Variants in TENM3 observed in about 807,000 individuals in gnomAD.
TENM3 encodes the protein teneurin-3.
In TENM3, 63 loss-of-function variants were observed where a neutral mutation model predicts 255.1. That is an observed-to-expected ratio of 0.25 (90% CI 0.20 to 0.30). The LOEUF is 0.30. TENM3 is among the 10% of genes least tolerant of loss of function. The probability of loss-of-function intolerance (pLI) is 1.00; values close to 1 mark genes in which losing one functional copy is unlikely to be tolerated. For synonymous variants in TENM3, 1,306 were observed against 1,322.3 expected (o/e 0.99, Z 0.27); for missense variants, 2,929 against 3,461.1 (o/e 0.85, Z 3.86).
chr4:181,761,101 C>T, the TENM3 span, among the ~76,000 whole-genome samples: 22 of 151,564 alleles, frequency 1.5e-4, no homozygotes, highest in African/African-American at 4.6e-4. Context: ...TTACTCTAAA[C>T]GTCTCTATAT....
the TENM3 span, among the ~76,000 whole-genome samples, chr4:181,545,141 A>G: frequency 6.6e-6 from 1 of 152,226 alleles, no homozygotes; most frequent in African/African-American, 2.4e-5. Context: ...ATAATTTATG[A>G]GAGCTTTTGG....
rs185445849 is a variant in TENM3 at position 182,540,204 on chromosome 4, C to G, written c.512-60720C>G. 3.2e-3 allele frequency among the ~76,000 whole-genome samples: 485 copies of G among 152,264 alleles called. 1 individual carries two copies. Among genetic ancestry groups the G allele is most frequent in the African/African-American group, 0.011 (465 of 41,536 alleles). ...ATTTCCTCCATAAGTTATTATGAAG[C>G]CATGGTGGAGGGAGGAAGAGGGACT... On this transcript the variant is annotated intron_variant, in intron 3 of 27. Transcript: ENST00000511685.
In TENM3 at chr4:182,681,937, C is replaced by G. The variant is rs1425075253; in HGVS notation, c.1958C>G (p.Ser653Cys). The G allele has an allele frequency of 1.2e-6, 2 of 1,613,966 alleles. No individual in the cohort carries two copies. The highest frequency in any genetic ancestry group is 3.3e-5 in the Admixed American group (2 of 60,016). ...AAGACCATGTGTCCAGACCAGTGCTCCGGCCACGGAACGTATCTTCAAGAA... is the reference window on the plus strand; with the variant it reads ...AAGACCATGTGTCCAGACCAGTGCTGCGGCCACGGAACGTATCTTCAAGAA... ...ILKTMCPDQCSGHGTYLQESG... is the reference protein window; with the variant it reads ...ILKTMCPDQCCGHGTYLQESG... The change falls in exon 11 of 28, where the codon TCC (serine) becomes TGC (cysteine). Residue 653 changes from serine to cysteine, a missense_variant. This residue lies in a region of TENM3 where 1,608 missense variants were observed against 1,884.4 expected (regional missense o/e 0.85). Transcript: ENST00000511685.
rs773167086 is a variant in TENM3, at chr4:182,346,697, T to C, written c.279T>C (p.Thr93=). ...LRQLGVCEPA[T]RRGLAFCAEM... ...AGTTAGGAGTTTGTGAACCAGCAACTCGAAGAGGACTGGCATTTTGTGCGG... is the reference window on the plus strand; with the variant it reads ...AGTTAGGAGTTTGTGAACCAGCAACCCGAAGAGGACTGGCATTTTGTGCGG... Residue 93 remains threonine, a synonymous_variant, in exon 3 of 28, where the codon ACT becomes ACC. Transcript: ENST00000511685. The C allele has an allele frequency of 6.2e-6, 10 of 1,613,816 alleles. No individual in the cohort carries two copies. Among genetic ancestry groups the C allele is most frequent in the South Asian group, 4.4e-5 (4 of 91,044 alleles).
At chr4:181,776,289 G>A in the TENM3 span, among the ~76,000 whole-genome samples, 1 of 152,000 alleles carries the variant, frequency 6.6e-6, no homozygotes, top group African/African-American at 2.4e-5. Flanking sequence ...ATTTTACTAT[G>A]TATATACACA....
chr4:182,216,511 T>C (rs905348569), intron 1 of TENM3, among the ~76,000 whole-genome samples: 1 of 152,176 alleles, frequency 6.6e-6, no homozygotes, highest in Non-Finnish European at 1.5e-5. Context: ...TCTGGTGCAA[T>C]ATCATTTACC....
In TENM3 at chr4:182,228,380, G is replaced by GTATATATATATGTGTATATATATA. The variant is rs1756333070; in HGVS notation, c.-76+83627_-76+83628insATATATATATGTGTATATATATAT. Among the ~76,000 whole-genome samples the GTATATATATATGTGTATATATATA allele has an allele frequency of 1.5e-4, 14 of 94,016 alleles. 1 individual carries two copies. Among genetic ancestry groups the GTATATATATATGTGTATATATATA allele is most frequent in the African/African-American group, 5.9e-4 (13 of 22,172 alleles). 61.7% of individuals were successfully genotyped at this position (94,016 alleles called of 152,430 possible). A position where few individuals can be genotyped will look rare whatever the true frequency, so the allele number is the denominator to read the frequency against. On this transcript the variant is annotated intron_variant, in intron 1 of 2. Transcript: ENST00000512480. ...GTAATGTGTGTGTGTGTGTGTGTGT[G>GTATATATATATGTGTATATATATA]TGTGTGTGTGTGTATATGTAATCCC... is the stretch of plus-strand genomic sequence containing the variant.
intron 9 of TENM3, 61 bp from the exon 10 acceptor site, chr4:182,680,482 T>G (rs1242149525): frequency 6.3e-7 from 1 of 1,589,610 alleles, no homozygotes; most frequent in African/African-American, 1.4e-5. Context: ...GATGTGTCTT[T>G]TCTTTCGGAA....
chr4:181,521,735 C>T, the TENM3 span, among the ~76,000 whole-genome samples: 57 of 152,154 alleles, frequency 3.7e-4, no homozygotes, highest in African/African-American at 1.3e-3. Context: ...CCCTTCTTCC[C>T]ACATGTCAGT....
At chr4:181,832,946 C>G in the TENM3 span, among the ~76,000 whole-genome samples, 13,545 of 152,146 alleles carry the variant, frequency 0.089, 841 homozygotes, top group Admixed American at 0.16. Context: ...TAGTGGTGGA[C>G]ACAATCACCC....
intron 3 of TENM3, among the ~76,000 whole-genome samples, chr4:182,476,499 G>A (rs1252107408): frequency 6.6e-6 from 1 of 152,130 alleles, no homozygotes; most frequent in Admixed American, 6.5e-5. Context: ...GGTACTAAGA[G>A]CATAAAATTT....
At chr4:181,517,328 C>T in the TENM3 span, among the ~76,000 whole-genome samples, 1 of 152,130 alleles carries the variant, frequency 6.6e-6, no homozygotes, top group African/African-American at 2.4e-5. Flanking sequence ...ATTTCTGAAT[C>T]ACTAATCTTT....
At chr4:182,241,510 T>TTTTC (rs1441949753), upstream of TENM3, among the ~76,000 whole-genome samples, 13 of 131,776 alleles carry the variant, frequency 9.9e-5, 1 homozygote, top group African/African-American at 4.6e-4. Flanking sequence ...TCCCTTTCTT[T>TTTTC]TTTCTTTCTT....
chr4:181,710,028 A>T, the TENM3 span, among the ~76,000 whole-genome samples: 1 of 152,184 alleles, frequency 6.6e-6, no homozygotes, highest in African/African-American at 2.4e-5. Context: ...TAAATATCCC[A>T]GTGTTGGGGG....
chr4:182,457,880 A>G (rs1774000270), intron 3 of TENM3, among the ~76,000 whole-genome samples: 1 of 152,202 alleles, frequency 6.6e-6, no homozygotes, highest in African/African-American at 2.4e-5. Context: ...TCATTACTGA[A>G]TTCTGCATCC....
At chr4:182,641,604 T>C (rs1211997020) in intron 5 of TENM3, among the ~76,000 whole-genome samples, 1 of 151,670 alleles carries the variant, frequency 6.6e-6, no homozygotes, top group Non-Finnish European at 1.5e-5. Context: ...CTCAGCTCAC[T>C]GCAACCTCCA....
intron 2 of TENM3, among the ~76,000 whole-genome samples, chr4:182,345,796 T>A (rs1465310353): frequency 6.6e-6 from 1 of 152,148 alleles, no homozygotes; most frequent in Non-Finnish European, 1.5e-5. Flanking sequence ...TATGCTCAAT[T>A]TATTAGTAAA....
At chr4:181,486,622 A>T in the TENM3 span, among the ~76,000 whole-genome samples, 2 of 152,194 alleles carry the variant, frequency 1.3e-5, no homozygotes, top group East Asian at 3.8e-4. Flanking sequence ...CTTACATTAG[A>T]TGGGTCTCTA....
the TENM3 span, among the ~76,000 whole-genome samples, chr4:181,707,445 C>T: frequency 2.3e-4 from 35 of 152,118 alleles, no homozygotes; most frequent in African/African-American, 4.8e-5. Context: ...AAATGAAACA[C>T]CAGTATAATA....
Sources: allele counts gnomAD v4.1 joint callset (sites outside exome capture counted in the v4.1 genomes callset), GRCh38; gene constraint gnomAD v4.1.1; regional missense constraint gnomAD v4.1.1; transcripts MANE v1.5; gene names NCBI Gene and HGNC (gene_info 2026-07-23, HGNC 2026-07-21).